The following DOLPP1 variants were observed in gnomAD, a reference collection of about 807,000 sequenced individuals.
DOLPP1 encodes dolichyl pyrophosphate phosphatase 1.
Under a neutral mutation model 34.1 loss-of-function variants are expected in DOLPP1, and 15 were observed. The ratio of observed to expected loss-of-function variants is 0.44; its 90% CI spans 0.29 to 0.68. The LOEUF (loss-of-function observed/expected upper bound fraction) is 0.68. Among genes scored for constraint, DOLPP1 ranks in the 30% least tolerant of loss-of-function variants. DOLPP1 has a pLI of 0.12. For synonymous variants in DOLPP1, 130 were observed against 128.2 expected, an observed-to-expected ratio of 1.01 and a Z score of -0.10; for missense variants, 249 against 307.1, an observed-to-expected ratio of 0.81 and a Z score of 1.41.
Position 129,086,087 on chromosome 9 carries a change from C to T in DOLPP1, c.462-52C>T, listed in dbSNP as rs549493710. 1.9e-5 allele frequency: 30 copies of T among 1,583,264 alleles called. No homozygotes were observed. In the East Asian group the frequency reaches 2.5e-4, roughly 13 times the overall value. On this transcript the variant is annotated intron_variant, in intron 5 of 7. Transcript: ENST00000372546. ...TGGCACATGGGCAGTGGGGATTGTGCGGGCCTGTGTCTGACTGGCTCTCAC... is the reference window on the plus strand; with the variant it reads ...TGGCACATGGGCAGTGGGGATTGTGTGGGCCTGTGTCTGACTGGCTCTCAC...
At position 129,085,239 on chromosome 9, in the gene DOLPP1, A is replaced by G; in HGVS notation, c.295A>G (p.Met99Val). The change falls in exon 4 of 8, where the codon ATG (methionine) becomes GTG (valine). Residue 99 changes from methionine (M) to valine (V), a missense_variant. Met to Val is a conservative substitution (Grantham distance 21, BLOSUM62 1). Coordinates refer to ENST00000372546, the MANE Select transcript of DOLPP1 (RefSeq NM_020438.5). This position sits in a 1 kb window ranked among gnomAD's most constrained non-coding sequence, Gnocchi z 7.0. ...CACAGCAGTGGGCACCAAGTACGGG[A>G]TGCCCTCCAGCCATTCCCAGTTTAT... is the stretch of plus-strand genomic sequence containing the variant. Reference protein sequence around the residue: ...PHTAVGTKYGMPSSHSQFMWF... With the variant: ...PHTAVGTKYGVPSSHSQFMWF... 4 of 1,614,020 alleles carry G rather than the reference A, an allele frequency of 2.5e-6. No individual in the cohort carries two copies. Among genetic ancestry groups the G allele is most frequent in the Non-Finnish European group, 3.4e-6 (4 of 1,179,992 alleles).
chr9:129,084,006 G>T (rs1846936731), intron 1 of DOLPP1, among the ~76,000 whole-genome samples: 2 of 152,368 alleles, frequency 1.3e-5, no homozygotes, highest in South Asian at 4.1e-4. Flanking sequence ...AGTGATGGGA[G>T]TGTCAGAAGC....
intron 1 of DOLPP1, among the ~76,000 whole-genome samples, chr9:129,082,822 G>A (rs960047280): frequency 6.6e-6 from 1 of 152,198 alleles, no homozygotes; most frequent in African/African-American, 2.4e-5. Context: ...GATAGAGTGG[G>A]ATATAAAGAG....
At chr9:129,081,231 G>T in intron 1 of DOLPP1, 24 bp downstream of exon 1, 1 of 1,605,722 alleles carries the variant, frequency 6.2e-7, no homozygotes, top group Non-Finnish European at 8.5e-7. Flanking sequence ...CCGGCTCCAA[G>T]GACGCCTTCC....
At chr9:129,087,318 C>CT (rs71507949) in intron 7 of DOLPP1, among the ~76,000 whole-genome samples, 89,067 of 135,712 alleles carry the variant, frequency 0.66, 29,934 homozygotes, top group South Asian at 0.74. Flanking sequence ...TCTTTTTTTT[C>CT]TTTTTTTTTT....
chr9:129,081,280 C>A, intron 1 of DOLPP1, 73 bp downstream of exon 1: 2 of 1,571,984 alleles, frequency 1.3e-6, no homozygotes, highest in South Asian at 2.2e-5. Flanking sequence ...CCGGCCTGCT[C>A]GAGCCCGCGG....
At chr9:129,083,723 T>C (rs1206152512) in intron 1 of DOLPP1, among the ~76,000 whole-genome samples, 3 of 152,172 alleles carry the variant, frequency 2.0e-5, no homozygotes, top group Non-Finnish European at 4.4e-5. Flanking sequence ...TCCCATCTCA[T>C]TGAGTCTCAT....
At chr9:129,083,824 T>G (rs983544587) in intron 1 of DOLPP1, among the ~76,000 whole-genome samples, 1 of 152,074 alleles carries the variant, frequency 6.6e-6, no homozygotes, top group Non-Finnish European at 1.5e-5. Flanking sequence ...AGCCAGTGAG[T>G]GTGGGCATAG....
intron 1 of DOLPP1, among the ~76,000 whole-genome samples, chr9:129,082,361 T>C (rs1048186980): frequency 6.6e-6 from 1 of 152,234 alleles, no homozygotes; most frequent in Non-Finnish European, 1.5e-5. Context: ...ATTCATTCAT[T>C]CAGTCAATAT....
At chr9:129,081,351 C>G (rs953794605) in intron 1 of DOLPP1, 144 bp downstream of exon 1, 4 of 1,060,026 alleles carry the variant, frequency 3.8e-6, no homozygotes, top group African/African-American at 3.4e-5. Context: ...GGGGCTCGGC[C>G]GGCGCGCGCG....
At chr9:129,087,872 G>A (rs897101238) in intron 7 of DOLPP1, among the ~76,000 whole-genome samples, 1 of 151,550 alleles carries the variant, frequency 6.6e-6, no homozygotes, top group Non-Finnish European at 1.5e-5. Flanking sequence ...AGCTGGCCCC[G>A]CTGATCTCTC....
At chr9:129,081,301 G>T in intron 1 of DOLPP1, 94 bp downstream of exon 1, 1 of 1,485,214 alleles carries the variant, frequency 6.7e-7, no homozygotes. Flanking sequence ...AGGGGGCGCC[G>T]GGGGACCGGG....
chr9:129,084,362 G>A (rs1232976278), intron 1 of DOLPP1, among the ~76,000 whole-genome samples: 2 of 152,260 alleles, frequency 1.3e-5, no homozygotes, highest in East Asian at 3.8e-4. Context: ...TTCTGGCTGT[G>A]TGACCTTGGG....
In DOLPP1 at chr9:129,086,000, GC is replaced by G; in HGVS notation, c.462-135del. 1 of 802,196 alleles carries G rather than the reference GC, an allele frequency of 1.2e-6. No homozygotes were observed. The highest frequency in any genetic ancestry group is 2.0e-6 in the Non-Finnish European group (1 of 500,862). The allele number at this position is 802,196 out of a possible 1,614,324, so 49.7% of individuals were successfully genotyped here. Reference sequence around the variant, plus strand: ...CACTTGGAAATGGATCTGAGGCTGTGCCCCGTGGAGTCAGTGTCCTGTCTGT... The same window carrying G: ...CACTTGGAAATGGATCTGAGGCTGTGCCCGTGGAGTCAGTGTCCTGTCTGT... On this transcript the variant is annotated intron_variant, in intron 5 of 7. Transcript: ENST00000372546. This position sits in a 1 kb window ranked among gnomAD's most constrained non-coding sequence, Gnocchi z 7.0.
At position 129,084,772 on chromosome 9, in the gene DOLPP1, A is replaced by T. The variant is rs762898625; in HGVS notation, c.177+4A>T. On this transcript the variant is annotated splice_donor_region_variant and intron_variant, in intron 2 of 7. Coordinates refer to ENST00000372546, the MANE Select transcript of DOLPP1 (RefSeq NM_020438.5). ...ATTTAAGCGGGAGCTGCACACGGTG[A>T]GTCTGTCTTGCCCACACCCTCCCCA... 6 of 1,605,426 alleles carry T rather than the reference A, an allele frequency of 3.7e-6. No individual in the cohort carries two copies. The South Asian group carries it at 5.5e-5, about 15-fold the overall frequency.
chr9:129,081,308 CG>C, intron 1 of DOLPP1, 101 bp downstream of exon 1: 1 of 1,458,128 alleles, frequency 6.9e-7, no homozygotes, highest in Non-Finnish European at 9.3e-7. Context: ...GCCGGGGGAC[CG>C]GGGTGGGAAC....
At chr9:129,084,627 C>A in intron 1 of DOLPP1, 41 bp from the exon 2 acceptor site, 1 of 1,387,566 alleles carries the variant, frequency 7.2e-7, no homozygotes, top group Non-Finnish European at 1.0e-6. Flanking sequence ...TCTTCTGATG[C>A]CTGTGCCCTG....
At chr9:129,087,884 C>G (rs1204955368) in intron 7 of DOLPP1, among the ~76,000 whole-genome samples, 2 of 151,318 alleles carry the variant, frequency 1.3e-5, no homozygotes, top group East Asian at 3.9e-4. Context: ...TGATCTCTCA[C>G]TGGCCTGCCC....
intron 1 of DOLPP1, among the ~76,000 whole-genome samples, chr9:129,083,075 C>T (rs11564097): frequency 0.015 from 2,327 of 152,230 alleles, 49 homozygotes; most frequent in African/African-American, 0.052. Context: ...GCTCAGGGAA[C>T]TCGAGTTTGG....
Sources: gnomAD v4.1 joint callset for allele counts (sites outside exome capture counted in the v4.1 genomes callset) on GRCh38, gnomAD v4.1.1 for gene constraint, Gnocchi (gnomAD v3.1) non-coding constraint, MANE v1.5 for transcripts, NCBI Gene and HGNC (gene_info 2026-07-23, HGNC 2026-07-21) for gene names.